Variants in GALNT18 observed in about 807,000 individuals in gnomAD.
GALNT18 encodes the protein polypeptide N-acetylgalactosaminyltransferase 18, also known as GalNAc-transferase 18.
A neutral mutation model predicts 69.5 loss-of-function variants in GALNT18; 44 were observed. The observed-to-expected ratio is 0.63, with a 90% CI of 0.50 to 0.81. The LOEUF is 0.81. GALNT18 is among the 40% of genes least tolerant of loss of function. GALNT18 has a pLI of 0.00. For synonymous variants in GALNT18, 364 were observed against 318.2 expected (o/e 1.14, Z -1.53); for missense variants, 715 against 810.0 (o/e 0.88, Z 1.42).
intron 9 of GALNT18, among the ~76,000 whole-genome samples, chr11:11,302,772 C>T (rs1849519993): frequency 6.6e-6 from 1 of 152,236 alleles, no homozygotes; most frequent in Admixed American, 6.5e-5. Context: ...CGACATCGCA[C>T]TCGGATATCT....
intron 10 of GALNT18, 109 bp from the exon 11 acceptor site, chr11:11,271,399 G>A (rs1346823682): frequency 1.8e-6 from 2 of 1,107,480 alleles, no homozygotes; most frequent in Admixed American, 2.0e-5. Context: ...TGTGTGGCCA[G>A]ATCCCAGGAG....
At chr11:11,353,285 T>C in intron 6 of GALNT18, 1 of 779,364 alleles carries the variant, frequency 1.3e-6, no homozygotes, top group Non-Finnish European at 2.0e-6. Flanking sequence ...ACACAGACAA[T>C]ATGGCGGCGA....
Position 11,432,867 on chromosome 11 carries a change from C to T in GALNT18, c.429-80G>A. The T allele has an allele frequency of 6.8e-7, 1 of 1,463,026 alleles. No homozygotes were observed. Among genetic ancestry groups the T allele is most frequent in the Non-Finnish European group, 9.3e-7 (1 of 1,072,652 alleles). 90.6% of individuals were successfully genotyped at this position (1,463,026 alleles called of 1,614,324 possible). Reference sequence around the variant, plus strand: ...AGCTGACCCAGCCCATGTCCTGGCTCCAGCTTTGCTGGAGGGCTCGGGAGT... The same window carrying T: ...AGCTGACCCAGCCCATGTCCTGGCTTCAGCTTTGCTGGAGGGCTCGGGAGT... On this transcript the variant is annotated intron_variant, in intron 2 of 10. Coordinates refer to ENST00000227756, the MANE Select transcript of GALNT18 (RefSeq NM_198516.3). The surrounding 1 kb of genome is among the most constrained non-coding windows in gnomAD (Gnocchi z 5.8).
chr11:11,283,040 G>A (rs1298585603), intron 10 of GALNT18, among the ~76,000 whole-genome samples: 1 of 152,124 alleles, frequency 6.6e-6, no homozygotes, highest in Non-Finnish European at 1.5e-5. Flanking sequence ...GGAGGAGGTG[G>A]CCCACGGCAG....
At position 11,435,849 on chromosome 11, in the gene GALNT18, C is replaced by T. The variant is rs1855388018; in HGVS notation, c.429-3062G>A. Among the ~76,000 whole-genome samples the T allele has an allele frequency of 6.6e-6, 1 of 152,170 alleles. No homozygotes were observed. Among genetic ancestry groups the T allele is most frequent in the African/African-American group, 2.4e-5 (1 of 41,432 alleles). On this transcript the variant is annotated intron_variant, in intron 2 of 10. Transcript: ENST00000227756. The surrounding 1 kb of genome is among the most constrained non-coding windows in gnomAD (Gnocchi z 4.4). ...TCCTCCCTCCTCTTGCGTGAATGGCCCCAATTCCTCACATTCGCAGTCTCC... is the reference window on the plus strand; with the variant it reads ...TCCTCCCTCCTCTTGCGTGAATGGCTCCAATTCCTCACATTCGCAGTCTCC...
chr11:11,586,989 C>CATATAAAT lies in GALNT18; in HGVS notation c.235+34369_235+34370insATTTATAT, dbSNP rs1554955070. ...GGGAACAAGAGTGAAACCCCATCTC[C>CATATAAAT]AAATAAATAAATAAATAAATAAATA... On this transcript the variant is annotated intron_variant, in intron 1 of 10. Coordinates refer to ENST00000227756, the MANE Select transcript of GALNT18 (RefSeq NM_198516.3). This position sits in a 1 kb window ranked among gnomAD's most constrained non-coding sequence, Gnocchi z 4.1. Among the ~76,000 whole-genome samples the CATATAAAT allele has an allele frequency of 6.6e-6, 1 of 151,550 alleles. No homozygotes were observed. The highest frequency in any genetic ancestry group is 2.4e-5 in the African/African-American group (1 of 41,070).
Position 11,377,568 on chromosome 11 carries a change from A to C in GALNT18, c.780-189T>G, listed in dbSNP as rs1431322313. Among the ~76,000 whole-genome samples, 1 of 152,116 alleles carries C rather than the reference A, an allele frequency of 6.6e-6. No homozygotes were observed. The highest frequency in any genetic ancestry group is 1.5e-5 in the Non-Finnish European group (1 of 68,018). On this transcript the variant is annotated intron_variant, in intron 4 of 10. Transcript: ENST00000227756. This position sits in a 1 kb window ranked among gnomAD's most constrained non-coding sequence, Gnocchi z 4.6. ...CTTCCCGCTCCCTGAGGATTGCCGG[A>C]ATGGCAAGAGGCTGCACCACTCCAT...
chr11:11,442,851 T>C (rs1855562152), intron 2 of GALNT18, among the ~76,000 whole-genome samples: 1 of 152,294 alleles, frequency 6.6e-6, no homozygotes, highest in Non-Finnish European at 1.5e-5. Context: ...GGGAGGGACA[T>C]GGGCCTCAGG....
At chr11:11,379,310 G>A (rs751514616) in intron 3 of GALNT18, 46 bp from the exon 4 acceptor site, 2 of 1,543,420 alleles carry the variant, frequency 1.3e-6, no homozygotes, top group Non-Finnish European at 1.8e-6. Flanking sequence ...GAGGTCAGGA[G>A]GCAGAGGGGG....
In GALNT18 at chr11:11,616,740, C is replaced by T. The variant is rs1486491645; in HGVS notation, c.235+4619G>A. On this transcript the variant is annotated intron_variant, in intron 1 of 10. Coordinates refer to ENST00000227756, the MANE Select transcript of GALNT18 (RefSeq NM_198516.3). This position sits in a 1 kb window ranked among gnomAD's most constrained non-coding sequence, Gnocchi z 4.4. ...TGCAAATAGTTGAGTTTTACACTTA[C>T]CAGTGGTCCACTGGGTTTGTTCTCA... 3.9e-5 allele frequency among the ~76,000 whole-genome samples: 6 copies of T among 152,216 alleles called. No homozygotes were observed. The highest frequency in any genetic ancestry group is 1.2e-4 in the African/African-American group (5 of 41,454).
chr11:11,571,102 C>G (rs948963936), intron 1 of GALNT18, among the ~76,000 whole-genome samples: 1 of 152,172 alleles, frequency 6.6e-6, no homozygotes, highest in African/African-American at 2.4e-5. Flanking sequence ...TTCATTTAAC[C>G]CTCACAGCAA....
chr11:11,568,467 C>T lies in GALNT18; in HGVS notation c.235+52892G>A, dbSNP rs141755909. 8.5e-4 allele frequency among the ~76,000 whole-genome samples: 130 copies of T among 152,218 alleles called. 1 individual carries two copies. Among genetic ancestry groups the T allele is most frequent in the African/African-American group, 3.1e-3 (128 of 41,524 alleles). ...TAAGAAGTGAATCTTCCCGGCAACA[C>T]CCTTAGTTCATGACTCATCCTGCCA... is the stretch of plus-strand genomic sequence containing the variant. On this transcript the variant is annotated intron_variant, in intron 1 of 10. Coordinates refer to ENST00000227756, the MANE Select transcript of GALNT18 (RefSeq NM_198516.3).
chr11:11,445,217 C>A (rs1461690361), intron 2 of GALNT18, among the ~76,000 whole-genome samples: 1 of 152,222 alleles, frequency 6.6e-6, no homozygotes, highest in East Asian at 1.9e-4. Context: ...GCCAGACCAC[C>A]TGCCCCAGCT....
rs1373009351 is a variant in GALNT18, at chr11:11,619,093, T to G, written c.235+2266A>C. On this transcript the variant is annotated intron_variant, in intron 1 of 10. Coordinates refer to ENST00000227756, the MANE Select transcript of GALNT18 (RefSeq NM_198516.3). This position sits in a 1 kb window ranked among gnomAD's most constrained non-coding sequence, Gnocchi z 4.9. ...CCAGCATGGCAAAGGGAACTGTTGG[T>G]CATTGCTACACCATCATGGCACAGC... 2.0e-5 allele frequency among the ~76,000 whole-genome samples: 3 copies of G among 152,130 alleles called. No individual in the cohort carries two copies. In the East Asian group the frequency reaches 5.8e-4, roughly 29 times the overall value.
At chr11:11,589,848 C>T (rs1440659894) in intron 1 of GALNT18, among the ~76,000 whole-genome samples, 1 of 152,142 alleles carries the variant, frequency 6.6e-6, no homozygotes, top group Non-Finnish European at 1.5e-5. Flanking sequence ...AGAGCAGTCA[C>T]ATGTTTTATA....
At position 11,548,706 on chromosome 11, in the gene GALNT18, A is replaced by G. The variant is rs113885614; in HGVS notation, c.235+72653T>C. 7.5e-3 allele frequency among the ~76,000 whole-genome samples: 1,145 copies of G among 152,316 alleles called. 14 individuals are homozygous for G. The highest frequency in any genetic ancestry group is 0.026 in the African/African-American group (1,096 of 41,556). Reference sequence around the variant, plus strand: ...GGCACACAAAAATAAACACATGCACAATTTATCACTTTTCCCAGCTTGACC... The same window carrying G: ...GGCACACAAAAATAAACACATGCACGATTTATCACTTTTCCCAGCTTGACC... On this transcript the variant is annotated intron_variant, in intron 1 of 10. Transcript: ENST00000227756.
intron 5 of GALNT18, among the ~76,000 whole-genome samples, chr11:11,373,267 G>A (rs997404058): frequency 2.6e-5 from 4 of 152,162 alleles, no homozygotes; most frequent in Non-Finnish European, 5.9e-5. Flanking sequence ...GCTCATTGCT[G>A]TATCCAGGTG....
At chr11:11,529,234 G>A (rs1041620041) in intron 1 of GALNT18, among the ~76,000 whole-genome samples, 1 of 152,156 alleles carries the variant, frequency 6.6e-6, no homozygotes, top group Non-Finnish European at 1.5e-5. Flanking sequence ...ACATTATTCT[G>A]GATATGCTTG....
intron 3 of GALNT18, among the ~76,000 whole-genome samples, chr11:11,386,536 G>C (rs555372172): frequency 1.3e-5 from 2 of 152,298 alleles, no homozygotes; most frequent in South Asian, 4.2e-4. Flanking sequence ...CGCATAATGT[G>C]TATGGATGTG....
Sources: allele counts gnomAD v4.1 joint callset (sites outside exome capture counted in the v4.1 genomes callset), GRCh38; gene constraint gnomAD v4.1.1; non-coding constraint Gnocchi (gnomAD v3.1); transcripts MANE v1.5; gene names NCBI Gene and HGNC (gene_info 2026-07-23, HGNC 2026-07-21).